The following ARHGEF9 variants were observed in gnomAD, a reference collection of about 807,000 sequenced individuals.
ARHGEF9 encodes the protein Cdc42 guanine nucleotide exchange factor 9, also known as rho guanine nucleotide exchange factor 9.
Under a neutral mutation model 41.3 loss-of-function variants are expected in ARHGEF9, and 2 were observed. The ratio of observed to expected loss-of-function variants is 0.05; its 90% CI spans 0.02 to 0.15. ARHGEF9 has a LOEUF of 0.15. ARHGEF9 is among the 10% of genes least tolerant of loss of function. The pLI is 1.00. For missense variants in ARHGEF9, 225 were observed against 424.7 expected (o/e 0.53, Z 4.13); for synonymous variants, 160 against 154.4 (o/e 1.04, Z -0.27).
At chrX:63,669,445 T>C (rs1204056208) in intron 6 of ARHGEF9, among the ~76,000 whole-genome samples, 1 of 111,709 alleles carries the variant, frequency 9.0e-6, no homozygotes, top group African/African-American at 3.3e-5. Flanking sequence ...TAATTTCACG[T>C]ATTTGCTCAA....
chrX:63,637,308 C>T lies in ARHGEF9; in HGVS notation c.*720G>A, dbSNP rs2047357629. The T allele has an allele frequency of 3.4e-6, 1 of 296,940 alleles. No individual in the cohort carries two copies. The allele number at this position is 296,940 out of a possible 1,213,427, so 24.5% of individuals were successfully genotyped here. On this transcript the variant is annotated 3_prime_UTR_variant, in exon 10 of 10. Coordinates refer to ENST00000671741, the MANE Select transcript of ARHGEF9 (RefSeq NM_001353921.2). ...TTGGTTTTTTGATCCCTTCACAGTA[C>T]CTAAAACACAGTAAAAGCAATAGGA...
chrX:63,649,492 G>C (rs1254577469), intron 8 of ARHGEF9, among the ~76,000 whole-genome samples: 5 of 111,677 alleles, frequency 4.5e-5, no homozygotes, highest in Non-Finnish European at 9.4e-5. Flanking sequence ...AAGCAGGAAA[G>C]ATCTTAAATT....
chrX:63,649,738 T>C (rs2048406054), intron 8 of ARHGEF9, among the ~76,000 whole-genome samples: 1 of 110,473 alleles, frequency 9.1e-6, no homozygotes, highest in Non-Finnish European at 1.9e-5. Flanking sequence ...ATAGACACAA[T>C]AAAAAATGAT....
intron 2 of ARHGEF9, among the ~76,000 whole-genome samples, chrX:63,707,815 T>G (rs191675967): frequency 9.0e-6 from 1 of 111,619 alleles, no homozygotes; most frequent in African/African-American, 3.3e-5. Context: ...ATATTCTTCC[T>G]TCTTTCTTTT....
chrX:63,780,016 T>G (rs2056355998), intron 1 of ARHGEF9, among the ~76,000 whole-genome samples: 1 of 111,915 alleles, frequency 8.9e-6, no homozygotes, highest in Admixed American at 9.5e-5. Context: ...TAAATAGGAC[T>G]TCTAGGAAGA....
chrX:63,738,775 C>T (rs1480358731), intron 1 of ARHGEF9, among the ~76,000 whole-genome samples: 1 of 111,573 alleles, frequency 9.0e-6, no homozygotes, highest in Non-Finnish European at 1.9e-5. Context: ...AAGCCCTTTT[C>T]CTCCAATGCC....
At chrX:63,683,689 C>T (rs1337457552) in intron 4 of ARHGEF9, among the ~76,000 whole-genome samples, 9 of 111,075 alleles carry the variant, frequency 8.1e-5, no homozygotes, top group East Asian at 2.8e-4. Flanking sequence ...AGAAATAAAC[C>T]GAAGCAAATA....
rs2051286636 is a variant in ARHGEF9 at position 63,690,698 on chromosome X, C to A, written c.582+6427G>T. ...CACATCAAAAAAAGAAAACTACAGG[C>A]CAATATTACTGGCAAACATAGATGC... On this transcript the variant is annotated intron_variant, in intron 4 of 9. Coordinates refer to ENST00000671741, the MANE Select transcript of ARHGEF9 (RefSeq NM_001353921.2). 2.7e-5 allele frequency among the ~76,000 whole-genome samples: 3 copies of A among 111,645 alleles called. No homozygotes were observed. The South Asian group carries it at 1.1e-3, about 42-fold the overall frequency.
intron 9 of ARHGEF9, chrX:63,638,487 C>A: frequency 2.5e-6 from 1 of 402,723 alleles, no homozygotes; most frequent in Non-Finnish European, 4.3e-6. Flanking sequence ...ACACTGATAT[C>A]TGAAAAGAAA....
Position 63,635,179 on chromosome X carries a change from CCCAT to C in ARHGEF9, c.*2845_*2848del. ...TGCCCATCCATCCACCCCAGCCCAC[CCCAT>C]CCCCAAAGCACTAAAAGATCACTAT... On this transcript the variant is annotated 3_prime_UTR_variant, in exon 10 of 10. Coordinates refer to ENST00000671741, the MANE Select transcript of ARHGEF9 (RefSeq NM_001353921.2). The C allele has an allele frequency of 2.9e-6, 1 of 340,861 alleles. No individual in the cohort carries two copies. Among genetic ancestry groups the C allele is most frequent in the East Asian group, 6.3e-5 (1 of 15,901 alleles). The allele number at this position is 340,861 out of a possible 1,213,427, so 28.1% of individuals were successfully genotyped here. A position where few individuals can be genotyped will look rare whatever the true frequency, so the allele number is the denominator to read the frequency against.
chrX:63,685,275 A>C (rs2050913814), intron 4 of ARHGEF9, among the ~76,000 whole-genome samples: 1 of 111,418 alleles, frequency 9.0e-6, no homozygotes, highest in Non-Finnish European at 1.9e-5. Context: ...AAAAGGTCAA[A>C]ATCATACAAT....
intron 1 of ARHGEF9, among the ~76,000 whole-genome samples, chrX:63,751,882 C>A (rs1414848606): frequency 2.7e-5 from 3 of 109,400 alleles, no homozygotes; most frequent in Non-Finnish European, 5.7e-5. Flanking sequence ...ACCCTACACA[C>A]ACACATACAT....
At chrX:63,728,461 C>T (rs1377402339) in intron 1 of ARHGEF9, among the ~76,000 whole-genome samples, 4 of 111,911 alleles carry the variant, frequency 3.6e-5, no homozygotes, top group Non-Finnish European at 7.5e-5. Context: ...CGCATACCTA[C>T]CTTCGATTCT....
chrX:63,713,037 C>T (rs1336871702), intron 2 of ARHGEF9: 1 of 111,644 alleles, frequency 9.0e-6, no homozygotes, highest in African/African-American at 3.3e-5. Context: ...GCCAGTAATT[C>T]CTTCATAAAG....
chrX:63,683,154 T>C (rs2050762806), intron 4 of ARHGEF9, among the ~76,000 whole-genome samples: 1 of 108,855 alleles, frequency 9.2e-6, no homozygotes, highest in African/African-American at 3.3e-5. Flanking sequence ...AGATGCAGGA[T>C]ACAAAAAAAA....
rs2047327325 is a variant in ARHGEF9, at chrX:63,636,658, G to A, written c.*1370C>T. 3.6e-6 allele frequency: 1 copy of A among 279,055 alleles called. No individual in the cohort carries two copies. The highest frequency in any genetic ancestry group is 6.4e-5 in the Admixed American group (1 of 15,618). 23.0% of individuals were successfully genotyped at this position (279,055 alleles called of 1,213,427 possible). A position where few individuals can be genotyped will look rare whatever the true frequency, so the allele number is the denominator to read the frequency against. On this transcript the variant is annotated 3_prime_UTR_variant, in exon 10 of 10. Transcript: ENST00000671741. ...GAGAAAGAAGAAAGAGAGAGGGAAA[G>A]AAAGAAGCCAGGGAAGATTGTCCAT... is the stretch of plus-strand genomic sequence containing the variant.
chrX:63,779,306 G>C (rs2056343400), intron 1 of ARHGEF9, among the ~76,000 whole-genome samples: 1 of 112,319 alleles, frequency 8.9e-6, no homozygotes, highest in Non-Finnish European at 1.9e-5. Flanking sequence ...AATTTATAAA[G>C]AAAAATAGGT....
At chrX:63,766,026 T>G (rs2056107767) in intron 1 of ARHGEF9, among the ~76,000 whole-genome samples, 1 of 112,352 alleles carries the variant, frequency 8.9e-6, no homozygotes, top group African/African-American at 3.2e-5. Flanking sequence ...TACATATTTC[T>G]TATCCCTCTT....
intron 8 of ARHGEF9, among the ~76,000 whole-genome samples, chrX:63,649,654 G>A (rs1245163797): frequency 9.0e-6 from 1 of 111,356 alleles, no homozygotes; most frequent in Non-Finnish European, 1.9e-5. Context: ...TCCAGGAGCT[G>A]GTTTTTTGAA....
Sources: allele counts gnomAD v4.1 joint callset (sites outside exome capture counted in the v4.1 genomes callset), GRCh38; gene constraint gnomAD v4.1.1; transcripts MANE v1.5; gene names NCBI Gene and HGNC (gene_info 2026-07-23, HGNC 2026-07-21).